SGCZ: variants seen among roughly 807,000 people sequenced by gnomAD.
The protein encoded by SGCZ is sarcoglycan zeta.
SGCZ carries 40 observed loss-of-function variants against 41.3 expected under a neutral mutation model. That is an observed-to-expected ratio of 0.97 (90% CI 0.75 to 1.26). The LOEUF is 1.26. SGCZ is among the 50% of genes most tolerant of loss of function. SGCZ has a pLI of 0.00. For synonymous variants in SGCZ, 206 were observed against 137.5 expected (o/e 1.50, Z -3.49); for missense variants, 552 against 369.8 (o/e 1.49, Z -4.04).
At chr8:14,131,993 A>G (rs1227179905) in intron 5 of SGCZ, among the ~76,000 whole-genome samples, 2 of 152,222 alleles carry the variant, frequency 1.3e-5, no homozygotes, top group East Asian at 3.9e-4. Flanking sequence ...AACACTTGAG[A>G]TGCATTTCTC....
chr8:14,918,990 G>A (rs1268315804), intron 1 of SGCZ, among the ~76,000 whole-genome samples: 1 of 152,190 alleles, frequency 6.6e-6, no homozygotes, highest in African/African-American at 2.4e-5. Flanking sequence ...CTCCCAAGGT[G>A]CCAGCTCTGT....
chr8:14,488,115 G>A (rs1009553902), intron 2 of SGCZ, among the ~76,000 whole-genome samples: 3 of 125,140 alleles, frequency 2.4e-5, no homozygotes, highest in South Asian at 2.4e-4. Flanking sequence ...TCCCTGACAC[G>A]AAAAGAGTTC....
intron 1 of SGCZ, among the ~76,000 whole-genome samples, chr8:14,823,165 G>C (rs1467584111): frequency 1.3e-5 from 2 of 151,528 alleles, no homozygotes; most frequent in Non-Finnish European, 2.9e-5. Flanking sequence ...ATGACATTGG[G>C]CTAGGCAAGA....
intron 1 of SGCZ, among the ~76,000 whole-genome samples, chr8:15,143,413 C>A (rs1798951436): frequency 6.6e-6 from 1 of 152,152 alleles, no homozygotes; most frequent in Admixed American, 6.5e-5. Flanking sequence ...AGCAAAGTAG[C>A]TCTCACAGGA....
At chr8:14,091,961 T>G (rs1354432291) in intron 7 of SGCZ, among the ~76,000 whole-genome samples, 1 of 152,184 alleles carries the variant, frequency 6.6e-6, no homozygotes, top group Non-Finnish European at 1.5e-5. Flanking sequence ...GTTTTATGTT[T>G]AAGTCTTTAA....
intron 1 of SGCZ, among the ~76,000 whole-genome samples, chr8:14,780,446 T>C (rs940078184): frequency 6.6e-6 from 1 of 151,810 alleles, no homozygotes; most frequent in African/African-American, 2.4e-5. Flanking sequence ...TATAGACATA[T>C]TGAACCTAAA....
At chr8:14,653,458 A>C (rs967181999) in intron 1 of SGCZ, among the ~76,000 whole-genome samples, 4 of 152,260 alleles carry the variant, frequency 2.6e-5, no homozygotes, top group South Asian at 2.1e-4. Context: ...AAGATAGCTT[A>C]GCCTATCTTT....
chr8:14,328,302 G>C (rs538469148), intron 2 of SGCZ, among the ~76,000 whole-genome samples: 2 of 152,206 alleles, frequency 1.3e-5, no homozygotes, highest in South Asian at 4.1e-4. Flanking sequence ...TTATCTGAAA[G>C]GGAGAAAATG....
At chr8:14,234,857 A>G (rs1806698453) in intron 4 of SGCZ, among the ~76,000 whole-genome samples, 1 of 152,180 alleles carries the variant, frequency 6.6e-6, no homozygotes, top group African/African-American at 2.4e-5. Context: ...CATGGGATAC[A>G]CTTTCTGTGT....
At chr8:15,075,662 A>G (rs1805503554) in intron 1 of SGCZ, among the ~76,000 whole-genome samples, 2 of 152,190 alleles carry the variant, frequency 1.3e-5, no homozygotes, top group South Asian at 4.1e-4. Context: ...TTACTCTCCT[A>G]TCTACCTGTC....
chr8:14,226,951 T>G (rs563623957), intron 4 of SGCZ, among the ~76,000 whole-genome samples: 1 of 152,282 alleles, frequency 6.6e-6, no homozygotes, highest in East Asian at 1.9e-4. Context: ...ATGGTCAATT[T>G]CTTAATGTGT....
chr8:14,870,806 C>G (rs1330795195), intron 1 of SGCZ, among the ~76,000 whole-genome samples: 4 of 151,914 alleles, frequency 2.6e-5, no homozygotes, highest in Non-Finnish European at 4.4e-5. Context: ...ATTTATGCAG[C>G]AAACAAACAT....
intron 1 of SGCZ, among the ~76,000 whole-genome samples, chr8:14,982,734 C>T (rs1467061316): frequency 6.6e-6 from 1 of 152,124 alleles, no homozygotes; most frequent in Non-Finnish European, 1.5e-5. Flanking sequence ...AAAACTAAAT[C>T]ATAGCACTTT....
At chr8:14,679,790 G>C (rs1336726902) in intron 1 of SGCZ, among the ~76,000 whole-genome samples, 1 of 151,894 alleles carries the variant, frequency 6.6e-6, no homozygotes, top group Non-Finnish European at 1.5e-5. Flanking sequence ...TACTCACCCA[G>C]AATAACTTCT....
chr8:15,181,381 A>G (rs1366197627), intron 1 of SGCZ, among the ~76,000 whole-genome samples: 2 of 152,184 alleles, frequency 1.3e-5, no homozygotes, highest in African/African-American at 2.4e-5. Flanking sequence ...CCTAAGGGCT[A>G]AAGACCAAAT....
chr8:14,341,529 G>A (rs950386047), intron 2 of SGCZ, among the ~76,000 whole-genome samples: 17 of 152,178 alleles, frequency 1.1e-4, no homozygotes, highest in Non-Finnish European at 2.4e-4. Context: ...GTGACAAGAC[G>A]CTGAAAATCA....
chr8:14,557,913 C>T (rs761328848), intron 1 of SGCZ, among the ~76,000 whole-genome samples: 33 of 152,044 alleles, frequency 2.2e-4, no homozygotes, highest in Non-Finnish European at 2.6e-4. Flanking sequence ...AATTGATAGG[C>T]CATTAGCAAG....
At chr8:14,592,478 T>C (rs1805270960) in intron 1 of SGCZ, among the ~76,000 whole-genome samples, 1 of 152,166 alleles carries the variant, frequency 6.6e-6, no homozygotes, top group African/African-American at 2.4e-5. Flanking sequence ...TTCTTAATTT[T>C]ACAAAGTTTA....
At chr8:14,802,305 C>T (rs1357490704) in intron 1 of SGCZ, among the ~76,000 whole-genome samples, 1 of 152,068 alleles carries the variant, frequency 6.6e-6, no homozygotes, top group Non-Finnish European at 1.5e-5. Context: ...AGCTGCCATG[C>T]CTAGGATATG....
Sources: allele counts gnomAD v4.1 joint callset (sites outside exome capture counted in the v4.1 genomes callset), GRCh38; gene constraint gnomAD v4.1.1; transcripts MANE v1.5; gene names NCBI Gene and HGNC (gene_info 2026-07-23, HGNC 2026-07-21).